Variants in UQCC2 observed in about 807,000 individuals in gnomAD.
UQCC2 encodes the protein breast cancer-associated protein SGA-81M.
In UQCC2, 21 loss-of-function variants were observed where a neutral mutation model predicts 19.9. That is an observed-to-expected ratio of 1.05 (90% CI 0.75 to 1.52). The LOEUF (loss-of-function observed/expected upper bound fraction) is 1.52, where lower values mean the gene tolerates loss of function less well. Among genes scored for constraint, UQCC2 ranks in the 40% most tolerant of loss-of-function variants. The pLI is 0.00. For synonymous variants in UQCC2, 57 were observed against 60.9 expected, an observed-to-expected ratio of 0.94 and a Z score of 0.30; for missense variants, 135 against 157.5, an observed-to-expected ratio of 0.86 and a Z score of 0.76.
chr6:33,711,437 T>C, intron 1 of UQCC2, 112 bp downstream of exon 1: 1 of 1,430,188 alleles, frequency 7.0e-7, no homozygotes, highest in Non-Finnish European at 9.2e-7. Context: ...GCTCACGTGC[T>C]GCCTGGAAAG....
chr6:33,699,531 A>G (rs1276205292), intron 3 of UQCC2, among the ~76,000 whole-genome samples: 1 of 152,234 alleles, frequency 6.6e-6, no homozygotes, highest in Non-Finnish European at 1.5e-5. Flanking sequence ...ATATAGGAGT[A>G]AATTTACACA....
At chr6:33,707,515 G>A (rs1765714268) in intron 1 of UQCC2, among the ~76,000 whole-genome samples, 1 of 152,246 alleles carries the variant, frequency 6.6e-6, no homozygotes, top group African/African-American at 2.4e-5. Flanking sequence ...TACCTTATTA[G>A]AAACCCAAGA....
chr6:33,704,571 C>T (rs1429120922), intron 1 of UQCC2, among the ~76,000 whole-genome samples: 1 of 152,178 alleles, frequency 6.6e-6, no homozygotes, highest in Non-Finnish European at 1.5e-5. Flanking sequence ...TTTGCTGTAC[C>T]TGGTCTTCAC....
In UQCC2 at chr6:33,700,004, A is replaced by T. The variant is rs117161092; in HGVS notation, c.283+440T>A. ...CTCTAAAACATACCTAGTTAAACTC[A>T]TATCTAACCCACAGACCACGTCCCC... On this transcript the variant is annotated intron_variant, in intron 3 of 3. Coordinates refer to ENST00000607484, the MANE Select transcript of UQCC2 (RefSeq NM_032340.4). 7.4e-3 allele frequency among the ~76,000 whole-genome samples: 1,121 copies of T among 152,300 alleles called. 38 individuals are homozygous for T. The highest frequency in any genetic ancestry group is 0.073 in the East Asian group (376 of 5,176).
chr6:33,704,259 A>G (rs1254322286), intron 1 of UQCC2, among the ~76,000 whole-genome samples: 1 of 152,264 alleles, frequency 6.6e-6, no homozygotes, highest in African/African-American at 2.4e-5. Flanking sequence ...ATGAAGGGGC[A>G]TGTACAAGGT....
chr6:33,703,159 G>A (rs1765659474), intron 1 of UQCC2, among the ~76,000 whole-genome samples: 1 of 152,218 alleles, frequency 6.6e-6, no homozygotes, highest in African/African-American at 2.4e-5. Context: ...ACATCTGGGC[G>A]AACACATCTG....
intron 3 of UQCC2, 46 bp from the exon 4 acceptor site, chr6:33,697,796 C>T (rs750183159): frequency 6.5e-7 from 1 of 1,531,508 alleles, no homozygotes; most frequent in Non-Finnish European, 9.0e-7. Flanking sequence ...AAGTCTAAAA[C>T]TTGATGACAT....
At chr6:33,711,310 G>A (rs918642202) in intron 1 of UQCC2, among the ~76,000 whole-genome samples, 11 of 152,188 alleles carry the variant, frequency 7.2e-5, no homozygotes, top group Admixed American at 1.3e-4. Flanking sequence ...CGCCGCACCC[G>A]GCCCATCTGG....
At chr6:33,705,025 TCTCA>T (rs1765683220) in intron 1 of UQCC2, among the ~76,000 whole-genome samples, 2 of 145,650 alleles carry the variant, frequency 1.4e-5, no homozygotes, top group South Asian at 2.3e-4. Flanking sequence ...CCTCAGGTAC[TCTCA>T]CTTCTTTTTT....
Position 33,711,558 on chromosome 6 carries a change from C to T in UQCC2, c.129G>A (p.Glu43=). The T allele has an allele frequency of 6.2e-7, 1 of 1,608,076 alleles. No individual in the cohort carries two copies. Among genetic ancestry groups the T allele is most frequent in the South Asian group, 1.1e-5 (1 of 90,408 alleles). Residue 43 remains glutamate (E), a synonymous_variant, in exon 1 of 4, where the codon GAG becomes GAA. Transcript: ENST00000607484. ...QRVAQAFREG[E]NTQVAEPEAC... ...CCTCCCCGCCGGTCACCTGGGTATT[C>T]TCTCCCTCCCGAAAGGCCTGTGCTA...
chr6:33,697,550 G>A lies in UQCC2; in HGVS notation c.*103C>T. 1.2e-6 allele frequency: 1 copy of A among 848,816 alleles called. No homozygotes were observed. The highest frequency in any genetic ancestry group is 1.8e-6 in the Non-Finnish European group (1 of 549,282). The allele number at this position is 848,816 out of a possible 1,614,324, so 52.6% of individuals were successfully genotyped here. A position where few individuals can be genotyped will look rare whatever the true frequency, so the allele number is the denominator to read the frequency against. On this transcript the variant is annotated 3_prime_UTR_variant, in exon 4 of 4. Transcript: ENST00000607484. ...CTTCCTTTCTGGGAAAGCTAGAGGA[G>A]ATTCCCAAACCGTAAGGTCAAGGGG...
intron 1 of UQCC2, among the ~76,000 whole-genome samples, chr6:33,707,448 A>G (rs1026254162): frequency 1.2e-4 from 19 of 152,254 alleles, no homozygotes; most frequent in African/African-American, 4.1e-4. Flanking sequence ...TGGATGACTG[A>G]GAAAACAGAA....
intron 1 of UQCC2, among the ~76,000 whole-genome samples, chr6:33,705,375 G>C (rs1765688598): frequency 6.6e-6 from 1 of 152,082 alleles, no homozygotes; most frequent in South Asian, 2.1e-4. Flanking sequence ...CAGTCTCCTA[G>C]AGAGTTCCCA....
chr6:33,698,094 C>A, intron 3 of UQCC2: 1 of 208,124 alleles, frequency 4.8e-6, no homozygotes, highest in Non-Finnish European at 9.8e-6. Context: ...ACCCACAGAC[C>A]CAGATGCTTC....
intron 2 of UQCC2, among the ~76,000 whole-genome samples, 184 bp downstream of exon 2, chr6:33,701,162 G>A (rs1259891873): frequency 6.6e-6 from 1 of 152,188 alleles, no homozygotes; most frequent in Non-Finnish European, 1.5e-5. Flanking sequence ...ATTTTAAATA[G>A]CTTTTATTTA....
At chr6:33,698,643 T>G (rs908956182) in intron 3 of UQCC2, 5 of 152,178 alleles carry the variant, frequency 3.3e-5, no homozygotes, top group African/African-American at 1.2e-4. Context: ...ACCAACACTT[T>G]GGGCCAGATA....
At chr6:33,697,793 A>C in intron 3 of UQCC2, 43 bp from the exon 4 acceptor site, 1 of 1,540,582 alleles carries the variant, frequency 6.5e-7, no homozygotes, top group Non-Finnish European at 8.9e-7. Context: ...CTGAAGTCTA[A>C]AACTTGATGA....
In UQCC2 at chr6:33,697,447, T is replaced by C; in HGVS notation, c.*206A>G. 3.7e-6 allele frequency: 2 copies of C among 534,052 alleles called. No individual in the cohort carries two copies. Among genetic ancestry groups the C allele is most frequent in the Non-Finnish European group, 6.5e-6 (2 of 305,722 alleles). 33.1% of individuals were successfully genotyped at this position (534,052 alleles called of 1,614,324 possible). ...ATTTCCTCTCCCCAGGAGATTTCCC[T>C]ACCCTGAGCAGCAGTCACAGCAGAT... On this transcript the variant is annotated 3_prime_UTR_variant, in exon 4 of 4. Coordinates refer to ENST00000607484, the MANE Select transcript of UQCC2 (RefSeq NM_032340.4).
intron 1 of UQCC2, among the ~76,000 whole-genome samples, chr6:33,709,720 C>G (rs1250640356): frequency 2.0e-5 from 3 of 152,070 alleles, no homozygotes; most frequent in Non-Finnish European, 2.9e-5. Context: ...TGGGCGTGCT[C>G]CTGCTCCTTT....
Sources: allele counts gnomAD v4.1 joint callset (sites outside exome capture counted in the v4.1 genomes callset), GRCh38; gene constraint gnomAD v4.1.1; transcripts MANE v1.5; gene names NCBI Gene and HGNC (gene_info 2026-07-23, HGNC 2026-07-21).